The following AGBL4 variants were observed in gnomAD, a reference collection of about 807,000 sequenced individuals.
AGBL4 encodes the protein AGBL carboxypeptidase 4, also known as cytosolic carboxypeptidase 6.
In AGBL4, 58 loss-of-function variants were observed where a neutral mutation model predicts 66.4. The ratio of observed to expected loss-of-function variants is 0.87; its 90% confidence interval spans 0.71 to 1.09. AGBL4 has a LOEUF of 1.09. AGBL4 is among the 50% of genes least tolerant of loss of function. AGBL4 has a pLI of 0.00. For synonymous variants in AGBL4, 234 were observed against 222.9 expected, an observed-to-expected ratio of 1.05 and a Z score of -0.44; for missense variants, 579 against 631.0, an observed-to-expected ratio of 0.92 and a Z score of 0.88.
At position 48,889,891 on chromosome 1, in the gene AGBL4, G is replaced by A. The variant is rs765593955; in HGVS notation, c.595-22661C>T. ...TTTCCTCCGAGTTTGGGACTGGGAC[G>A]GGGAGGATGGCAGAGAACTTCTGAG... On this transcript the variant is annotated intron_variant, in intron 5 of 13. Coordinates refer to ENST00000371839, the MANE Select transcript of AGBL4 (RefSeq NM_032785.4). Among the ~76,000 whole-genome samples the A allele has an allele frequency of 3.9e-5, 6 of 152,084 alleles. No homozygotes were observed. The South Asian group carries it at 6.2e-4, about 16-fold the overall frequency.
At chr1:49,503,281 TCA>T (rs1346421997) in intron 3 of AGBL4, among the ~76,000 whole-genome samples, 1 of 152,132 alleles carries the variant, frequency 6.6e-6, no homozygotes, top group African/African-American at 2.4e-5. Flanking sequence ...TTGGGAACCT[TCA>T]CCTAGATTTC....
intron 6 of AGBL4, among the ~76,000 whole-genome samples, chr1:48,725,998 T>G (rs1188064643): frequency 6.6e-6 from 1 of 152,076 alleles, no homozygotes; most frequent in African/African-American, 2.4e-5. Context: ...TACATTACTC[T>G]CCACAACAAC....
At chr1:49,482,026 C>T (rs1305976280) in intron 3 of AGBL4, among the ~76,000 whole-genome samples, 1 of 149,678 alleles carries the variant, frequency 6.7e-6, no homozygotes, top group Admixed American at 6.7e-5. Context: ...ACTCGGTTTG[C>T]CAGTATTTTG....
intron 5 of AGBL4, among the ~76,000 whole-genome samples, chr1:48,960,991 G>A (rs1193175574): frequency 6.6e-6 from 1 of 152,170 alleles, no homozygotes; most frequent in African/African-American, 2.4e-5. Context: ...ATTGACACCA[G>A]CTCTATACTA....
intron 11 of AGBL4, among the ~76,000 whole-genome samples, chr1:48,558,269 C>A (rs1007104245): frequency 4.6e-5 from 7 of 152,214 alleles, no homozygotes; most frequent in Non-Finnish European, 8.8e-5. Flanking sequence ...CTAGCCTTAA[C>A]TTGACAGTGC....
At chr1:49,491,334 C>G (rs2148743837) in intron 3 of AGBL4, among the ~76,000 whole-genome samples, 1 of 151,822 alleles carries the variant, frequency 6.6e-6, no homozygotes, top group South Asian at 2.1e-4. Context: ...CCCTTCTAGC[C>G]TACCCATATT....
intron 11 of AGBL4, chr1:48,586,048 G>A (rs536367184): frequency 6.6e-6 from 1 of 152,170 alleles, no homozygotes; most frequent in Non-Finnish European, 1.5e-5. Context: ...AGAAAACTAA[G>A]TGTTAGGAAA....
intron 3 of AGBL4, among the ~76,000 whole-genome samples, chr1:49,586,081 T>C (rs1644641287): frequency 6.6e-6 from 1 of 152,180 alleles, no homozygotes; most frequent in African/African-American, 2.4e-5. Context: ...AAGACACAAA[T>C]ATTTATGGAA....
intron 6 of AGBL4, among the ~76,000 whole-genome samples, chr1:48,719,658 C>T (rs1647112584): frequency 6.6e-6 from 1 of 152,240 alleles, no homozygotes; most frequent in Admixed American, 6.5e-5. Flanking sequence ...CTCATCCTAT[C>T]CTCTTCCACC....
intron 6 of AGBL4, among the ~76,000 whole-genome samples, chr1:48,810,176 T>C (rs1465274103): frequency 6.6e-6 from 1 of 152,178 alleles, no homozygotes; most frequent in Non-Finnish European, 1.5e-5. Context: ...TGAGGCTGGC[T>C]CCTGGGGACA....
intron 4 of AGBL4, among the ~76,000 whole-genome samples, chr1:49,207,513 T>C (rs1473238741): frequency 1.2e-4 from 18 of 151,618 alleles, no homozygotes; most frequent in Non-Finnish European, 2.1e-4. Flanking sequence ...TTCTTTTTCT[T>C]TCTTTCTTTC....
chr1:48,753,972 G>A (rs529351226), intron 6 of AGBL4, among the ~76,000 whole-genome samples: 1 of 152,132 alleles, frequency 6.6e-6, no homozygotes, highest in Non-Finnish European at 1.5e-5. Context: ...GTCACACTGC[G>A]TACATATTTG....
Position 49,962,243 on chromosome 1 carries a change from C to T in AGBL4, c.34+61520G>A, listed in dbSNP as rs1322334581. Among the ~76,000 whole-genome samples the T allele has an allele frequency of 2.6e-5, 4 of 152,102 alleles. No individual in the cohort carries two copies. In the South Asian group the frequency reaches 6.2e-4, roughly 24 times the overall value. On this transcript the variant is annotated intron_variant, in intron 1 of 13. Coordinates refer to ENST00000371839, the MANE Select transcript of AGBL4 (RefSeq NM_032785.4). ...TGAATTTCATGATCGCCAATCCCTT[C>T]GTTAAGTTGTCTAATAAAAAGAATC...
At chr1:48,850,780 C>A (rs1647016091) in intron 6 of AGBL4, among the ~76,000 whole-genome samples, 1 of 152,080 alleles carries the variant, frequency 6.6e-6, no homozygotes, top group African/African-American at 2.4e-5. Context: ...GCCTCCCACC[C>A]ATTCAGTTTT....
At chr1:49,067,927 C>G (rs1381329391) in intron 4 of AGBL4, among the ~76,000 whole-genome samples, 1 of 148,306 alleles carries the variant, frequency 6.7e-6, no homozygotes, top group African/African-American at 2.5e-5. Context: ...CCCCGACAGG[C>G]CCCAGTGTGT....
chr1:48,548,943 A>G (rs542993487), intron 11 of AGBL4, among the ~76,000 whole-genome samples: 1 of 152,310 alleles, frequency 6.6e-6, no homozygotes, highest in Middle Eastern at 3.4e-3. Context: ...TGTGCCAGAC[A>G]CTGTTCTAGG....
chr1:49,124,284 C>T (rs1225392127), intron 4 of AGBL4, among the ~76,000 whole-genome samples: 1 of 152,070 alleles, frequency 6.6e-6, no homozygotes, highest in Non-Finnish European at 1.5e-5. Context: ...AATGAAGAGT[C>T]CTCTATAATC....
Position 48,766,409 on chromosome 1 carries a change from G to A in AGBL4, c.634+100782C>T, listed in dbSNP as rs531084825. Among the ~76,000 whole-genome samples, 5 of 152,274 alleles carry A rather than the reference G, an allele frequency of 3.3e-5. No individual in the cohort carries two copies. The East Asian group carries it at 7.7e-4, about 24-fold the overall frequency. On this transcript the variant is annotated intron_variant, in intron 6 of 13. Transcript: ENST00000371839. ...GAATGAGTGAATGACAGCTACAGTT[G>A]AGGACATCTAAATTCCCCAGCCTAA...
At chr1:49,119,486 G>T (rs140521776) in intron 4 of AGBL4, among the ~76,000 whole-genome samples, 2,324 of 152,250 alleles carry the variant, frequency 0.015, 23 homozygotes, top group Non-Finnish European at 0.023. Context: ...ACGTTGTTCA[G>T]TTTCCATGTA....
Sources: gnomAD v4.1 joint callset for allele counts (sites outside exome capture counted in the v4.1 genomes callset) on GRCh38, gnomAD v4.1.1 for gene constraint, MANE v1.5 for transcripts, NCBI Gene and HGNC (gene_info 2026-07-23, HGNC 2026-07-21) for gene names.